Variants in NHEJ1 observed in about 807,000 individuals in gnomAD.
NHEJ1 encodes the protein non-homologous end joining factor 1, also known as non-homologous end-joining factor 1.
A neutral mutation model predicts 39.4 loss-of-function variants in NHEJ1; 22 were observed. That is an observed-to-expected ratio of 0.56 (90% CI 0.40 to 0.80). The LOEUF is 0.80. Ranked by LOEUF, NHEJ1 falls within the 30% of genes least tolerant of loss-of-function variation. NHEJ1 has a pLI of 0.00. For synonymous variants in NHEJ1, 154 were observed against 135.6 expected, an observed-to-expected ratio of 1.14 and a Z score of -0.94; for missense variants, 329 against 357.1, an observed-to-expected ratio of 0.92 and a Z score of 0.63.
chr2:219,096,353 A>T (rs890998662), intron 5 of NHEJ1, among the ~76,000 whole-genome samples: 1 of 152,212 alleles, frequency 6.6e-6, no homozygotes, highest in Non-Finnish European at 1.5e-5. Flanking sequence ...TTTGCTCCGC[A>T]ATCATGCCTA....
At chr2:219,156,777 G>T (rs972424541) in intron 3 of NHEJ1, among the ~76,000 whole-genome samples, 3 of 152,200 alleles carry the variant, frequency 2.0e-5, no homozygotes, top group Non-Finnish European at 4.4e-5. Flanking sequence ...TCTAACACTG[G>T]TACATATTCT....
In NHEJ1 at chr2:219,078,161, T is replaced by C. The variant is rs767437488; in HGVS notation, c.634A>G (p.Met212Val). 1.4e-5 allele frequency: 22 copies of C among 1,614,066 alleles called. No individual in the cohort carries two copies. Among genetic ancestry groups the C allele is most frequent in the Non-Finnish European group, 7.6e-6 (9 of 1,180,048 alleles). ...CSIGDGKPFV[M>V]NLQDLYMAVT... ...GCCATATACAGATCCTGCAGATTCATGACAAAGGGCTTTCCATCACCAATG... is the reference window on the plus strand; with the variant it reads ...GCCATATACAGATCCTGCAGATTCACGACAAAGGGCTTTCCATCACCAATG... The change falls in exon 6 of 8, where the codon ATG (methionine) becomes GTG (valine). Residue 212 changes from methionine (M) to valine (V), a missense_variant. Met to Val is a conservative substitution (Grantham distance 21). Transcript: ENST00000356853.
At chr2:219,140,157 A>C (rs1949676785) in intron 5 of NHEJ1, among the ~76,000 whole-genome samples, 1 of 152,152 alleles carries the variant, frequency 6.6e-6, no homozygotes. Context: ...AAAAACACTT[A>C]AGAGTGTTAG....
At chr2:219,085,873 C>T (rs1435702067) in intron 5 of NHEJ1, among the ~76,000 whole-genome samples, 5 of 152,218 alleles carry the variant, frequency 3.3e-5, no homozygotes, top group African/African-American at 7.2e-5. Flanking sequence ...CTCTCTCTCA[C>T]GATGCTGGAC....
chr2:219,105,551 CG>C (rs1392654353), intron 5 of NHEJ1, among the ~76,000 whole-genome samples: 2 of 152,110 alleles, frequency 1.3e-5, no homozygotes, highest in East Asian at 3.8e-4. Context: ...GAGGTGTTCA[CG>C]AAGTATTTAA....
At chr2:219,107,779 T>A (rs547761521) in intron 5 of NHEJ1, among the ~76,000 whole-genome samples, 32 of 152,230 alleles carry the variant, frequency 2.1e-4, no homozygotes, top group Admixed American at 9.2e-4. Flanking sequence ...CCAGAGTCCA[T>A]ACTGGTTCTA....
chr2:219,146,748 G>GA lies in NHEJ1; in HGVS notation c.530-11dup. On this transcript the variant is annotated splice_polypyrimidine_tract_variant and intron_variant, in intron 4 of 7. Transcript: ENST00000356853. ...TCTGTCTTCAATCGATCTGTAATAA[G>GA]AAGGATCAGAAAAAAGAAATATGAG... 1 of 1,604,140 alleles carries GA rather than the reference G, an allele frequency of 6.2e-7. No homozygotes were observed. The highest frequency in any genetic ancestry group is 1.1e-5 in the South Asian group (1 of 90,866).
intron 5 of NHEJ1, among the ~76,000 whole-genome samples, chr2:219,105,737 T>TA (rs1181951204): frequency 6.6e-6 from 1 of 152,218 alleles, no homozygotes. Context: ...TTCTCTTCCT[T>TA]AAAGTCTTCC....
intron 5 of NHEJ1, among the ~76,000 whole-genome samples, chr2:219,098,910 C>A (rs1949232196): frequency 6.6e-6 from 1 of 152,108 alleles, no homozygotes; most frequent in African/African-American, 2.4e-5. Flanking sequence ...TAACTATACA[C>A]AAGAAATGGG....
chr2:219,151,081 T>C (rs999682147), intron 3 of NHEJ1, among the ~76,000 whole-genome samples: 2 of 147,614 alleles, frequency 1.4e-5, no homozygotes, highest in African/African-American at 2.5e-5. Context: ...TGGGCTGAGA[T>C]TGCACCACTA....
chr2:219,154,493 T>C (rs1949830558), intron 3 of NHEJ1, among the ~76,000 whole-genome samples: 1 of 152,254 alleles, frequency 6.6e-6, no homozygotes, highest in South Asian at 2.1e-4. Flanking sequence ...AAAAATTAAA[T>C]GAAAACGATC....
chr2:219,159,955 G>A (rs964421734), intron 1 of NHEJ1, among the ~76,000 whole-genome samples: 56 of 152,088 alleles, frequency 3.7e-4, no homozygotes, highest in African/African-American at 1.3e-3. Flanking sequence ...TTTAAAATGT[G>A]GCCAGGAGTA....
At position 219,076,191 on chromosome 2, in the gene NHEJ1, G is replaced by A. The variant is rs189387220; in HGVS notation, c.*190C>T. ...GGAGAGCACGGGATTCTCAGAGACTGGCTTCCACTTGAACAGGGAAGGCCA... is the reference window on the plus strand; with the variant it reads ...GGAGAGCACGGGATTCTCAGAGACTAGCTTCCACTTGAACAGGGAAGGCCA... On this transcript the variant is annotated 3_prime_UTR_variant, in exon 8 of 8. Transcript: ENST00000356853. 98 of 1,277,858 alleles carry A rather than the reference G, an allele frequency of 7.7e-5. No individual in the cohort carries two copies. In the Admixed American group the frequency reaches 1.3e-3, roughly 17 times the overall value. 79.2% of individuals were successfully genotyped at this position (1,277,858 alleles called of 1,614,324 possible). A position where few individuals can be genotyped will look rare whatever the true frequency, so the allele number is the denominator to read the frequency against.
intron 5 of NHEJ1, chr2:219,124,622 CCTT>C (rs1319534021): frequency 6.6e-6 from 1 of 152,210 alleles, no homozygotes; most frequent in African/African-American, 2.4e-5. Flanking sequence ...ACAGCACACT[CCTT>C]CTTAAGGCTA....
intron 5 of NHEJ1, among the ~76,000 whole-genome samples, chr2:219,133,529 G>C (rs375607823): frequency 1.3e-5 from 2 of 152,234 alleles, no homozygotes; most frequent in Non-Finnish European, 2.9e-5. Flanking sequence ...AACAGGGAGA[G>C]AAGTATAGCA....
chr2:219,129,618 C>G (rs561759531), intron 5 of NHEJ1, among the ~76,000 whole-genome samples: 6 of 152,220 alleles, frequency 3.9e-5, no homozygotes, highest in Admixed American at 6.5e-5. Flanking sequence ...GGACTCCCCC[C>G]ACTCCAGGCC....
At chr2:219,159,585 A>ATATGCATATATG (rs1949906110) in intron 1 of NHEJ1, among the ~76,000 whole-genome samples, 3 of 104,488 alleles carry the variant, frequency 2.9e-5, no homozygotes, top group Non-Finnish European at 5.3e-5. Flanking sequence ...GCATATATAT[A>ATATGCATATATG]TGCATATATA....
intron 5 of NHEJ1, among the ~76,000 whole-genome samples, chr2:219,124,293 G>A (rs551394953): frequency 2.6e-5 from 4 of 152,318 alleles, no homozygotes; most frequent in South Asian, 2.1e-4. Flanking sequence ...AGAGGAAAGC[G>A]GGCATCAGTT....
chr2:219,151,124 T>A (rs1315878655), intron 3 of NHEJ1, among the ~76,000 whole-genome samples: 10 of 118,112 alleles, frequency 8.5e-5, no homozygotes, highest in African/African-American at 2.7e-4. Context: ...TGAGACCTTA[T>A]CTCAAAAAAA....
Sources: gnomAD v4.1 joint callset for allele counts (sites outside exome capture counted in the v4.1 genomes callset) on GRCh38, gnomAD v4.1.1 for gene constraint, MANE v1.5 for transcripts, NCBI Gene and HGNC (gene_info 2026-07-23, HGNC 2026-07-21) for gene names.